Variants in ANK3 observed in about 807,000 individuals in gnomAD.
ANK3 encodes ankyrin 3.
In ANK3, 57 loss-of-function variants were observed where a neutral mutation model predicts 370.9. The ratio of observed to expected loss-of-function variants is 0.15; its 90% CI spans 0.12 to 0.19. The LOEUF (loss-of-function observed/expected upper bound fraction) is 0.19. Among genes scored for constraint, ANK3 ranks in the 10% least tolerant of loss-of-function variants. The pLI is 1.00. For missense variants in ANK3, 4,439 were observed against 5,302.1 expected (o/e 0.84, Z 5.06); for synonymous variants, 1,929 against 1,946.3 (o/e 0.99, Z 0.23).
intron 2 of ANK3, among the ~76,000 whole-genome samples, chr10:60,506,071 GA>G (rs2075932033): frequency 6.6e-6 from 1 of 151,544 alleles, no homozygotes; most frequent in African/African-American, 2.4e-5. Flanking sequence ...CAACAGAAGA[GA>G]AAAAAGGACT....
At chr10:60,646,475 T>C (rs1431295558) in intron 1 of ANK3, among the ~76,000 whole-genome samples, 3 of 152,056 alleles carry the variant, frequency 2.0e-5, no homozygotes, top group African/African-American at 7.2e-5. Flanking sequence ...ACTTAGGAGA[T>C]GGAGGCAGGA....
At chr10:60,251,590 T>C (rs2097666923) in intron 7 of ANK3, among the ~76,000 whole-genome samples, 4 of 152,186 alleles carry the variant, frequency 2.6e-5, no homozygotes. Flanking sequence ...TGATGCTCCT[T>C]TTCCCTCCAC....
At chr10:60,243,341 G>A (rs182056733) in intron 7 of ANK3, among the ~76,000 whole-genome samples, 82 of 152,192 alleles carry the variant, frequency 5.4e-4, no homozygotes, top group Non-Finnish European at 7.8e-4. Flanking sequence ...TCCTTGGCAG[G>A]GATTAATGAT....
At chr10:60,262,070 TA>T in intron 6 of ANK3, 113 bp from the exon 7 acceptor site, 1 of 812,010 alleles carries the variant, frequency 1.2e-6, no homozygotes, top group South Asian at 1.6e-5. Flanking sequence ...TGCTGAGGTC[TA>T]TGTTCCATTC....
Position 60,070,340 on chromosome 10 carries a change from A to G in ANK3, c.10541T>C (p.Val3514Ala), listed in dbSNP as rs753987504. The G allele has an allele frequency of 6.2e-7, 1 of 1,614,126 alleles. No homozygotes were observed. The highest frequency in any genetic ancestry group is 1.7e-5 in the Admixed American group (1 of 60,026). ...TLEGRHPDRS[V>A]FPDTYFSYKV... ...GTAACTGAAGTAAGTATCAGGAAAC[A>G]CTGATCTGTCAGGATGTCTGCCTTC... The change falls in exon 37 of 44, where the codon GTG becomes GCG. Residue 3514 changes from valine (V) to alanine (A), a missense_variant. This residue lies in a region of ANK3 where 1,601 missense variants were observed against 1,731.7 expected (regional missense o/e 0.92). Coordinates refer to ENST00000280772, the MANE Select transcript of ANK3 (RefSeq NM_020987.5). The surrounding 1 kb of genome is among the most constrained non-coding windows in gnomAD (Gnocchi z 5.7).
At chr10:60,530,214 T>G (rs1288209430) in intron 2 of ANK3, among the ~76,000 whole-genome samples, 3 of 152,164 alleles carry the variant, frequency 2.0e-5, no homozygotes, top group Non-Finnish European at 4.4e-5. Flanking sequence ...CCTATTTAAG[T>G]CAGTCCATGA....
At chr10:60,416,317 A>G (rs910236186) in intron 2 of ANK3, among the ~76,000 whole-genome samples, 1 of 152,186 alleles carries the variant, frequency 6.6e-6, no homozygotes, top group Non-Finnish European at 1.5e-5. Flanking sequence ...GTTACATGGA[A>G]CCACACAGAT....
intron 1 of ANK3, among the ~76,000 whole-genome samples, chr10:60,661,831 C>T (rs2078939346): frequency 6.6e-6 from 1 of 152,134 alleles, no homozygotes; most frequent in African/African-American, 2.4e-5. Flanking sequence ...CATCTGGCTC[C>T]GTTGGGCTAC....
intron 2 of ANK3, among the ~76,000 whole-genome samples, chr10:60,486,865 T>G (rs991811242): frequency 1.3e-5 from 2 of 152,184 alleles, no homozygotes; most frequent in African/African-American, 2.4e-5. Context: ...GCAATGCAAT[T>G]TTAAAAGATA....
At chr10:60,469,012 T>C (rs1219279739) in intron 2 of ANK3, among the ~76,000 whole-genome samples, 6 of 91,362 alleles carry the variant, frequency 6.6e-5, no homozygotes, top group African/African-American at 1.1e-4. Context: ...TATATATATA[T>C]ATATATACCA....
chr10:60,126,472 G>A (rs2093760697), intron 25 of ANK3, among the ~76,000 whole-genome samples: 1 of 152,014 alleles, frequency 6.6e-6, no homozygotes, highest in Admixed American at 6.6e-5. Flanking sequence ...GATCACATGA[G>A]GCCAGGAGTT....
At chr10:60,674,036 T>G (rs575762924) in intron 1 of ANK3, among the ~76,000 whole-genome samples, 1 of 152,288 alleles carries the variant, frequency 6.6e-6, no homozygotes, top group East Asian at 1.9e-4. Context: ...GAGCCATAAA[T>G]GTTTAGTAGC....
At chr10:60,603,796 G>A (rs1250473482) in intron 2 of ANK3, among the ~76,000 whole-genome samples, 1 of 151,938 alleles carries the variant, frequency 6.6e-6, no homozygotes, top group Non-Finnish European at 1.5e-5. Flanking sequence ...TTCCACTTTT[G>A]GGACACTGGA....
Position 60,196,772 on chromosome 10 carries a change from GA to G in ANK3, c.1690-148del, listed in dbSNP as rs2132404133. ...ACTGATTAATTATTCTATTGATGAT[GA>G]GCAGTGAAGTCTGCATTTAAAGTCC... On this transcript the variant is annotated intron_variant, in intron 14 of 43. Transcript: ENST00000280772. 5.0e-6 allele frequency: 3 copies of G among 599,992 alleles called. No homozygotes were observed. The East Asian group carries it at 8.3e-5, about 17-fold the overall frequency. The allele number at this position is 599,992 out of a possible 1,614,324, so 37.2% of individuals were successfully genotyped here. A position where few individuals can be genotyped will look rare whatever the true frequency, so the allele number is the denominator to read the frequency against.
chr10:60,259,099 A>C (rs1201863918), intron 7 of ANK3, among the ~76,000 whole-genome samples: 3 of 152,014 alleles, frequency 2.0e-5, no homozygotes, highest in Non-Finnish European at 4.4e-5. Flanking sequence ...ACCTAGAAAG[A>C]CTCCTTGGAA....
chr10:60,360,632 C>T (rs543079116), intron 1 of ANK3, among the ~76,000 whole-genome samples: 16 of 152,062 alleles, frequency 1.1e-4, no homozygotes, highest in African/African-American at 3.9e-4. Flanking sequence ...TTGCTTAAAC[C>T]CAGGAGGTTG....
chr10:60,586,547 T>C (rs553325259), intron 2 of ANK3, among the ~76,000 whole-genome samples: 1 of 151,872 alleles, frequency 6.6e-6, no homozygotes, highest in East Asian at 1.9e-4. Context: ...TCTGGAGGAG[T>C]AGGGGAGGGC....
chr10:60,052,334 A>G (rs1248651380), intron 42 of ANK3, among the ~76,000 whole-genome samples: 1 of 152,214 alleles, frequency 6.6e-6, no homozygotes, highest in Non-Finnish European at 1.5e-5. Flanking sequence ...TCTCAACAAC[A>G]ACAACAACAA....
intron 1 of ANK3, among the ~76,000 whole-genome samples, chr10:60,648,836 A>C (rs2078748045): frequency 7.0e-6 from 1 of 143,216 alleles, no homozygotes; most frequent in Non-Finnish European, 1.5e-5. Context: ...CCCCAGATAC[A>C]CCCCTTCCAG....
Sources: allele counts gnomAD v4.1 joint callset (sites outside exome capture counted in the v4.1 genomes callset), GRCh38; gene constraint gnomAD v4.1.1; regional missense constraint gnomAD v4.1.1; non-coding constraint Gnocchi (gnomAD v3.1); transcripts MANE v1.5; gene names NCBI Gene and HGNC (gene_info 2026-07-23, HGNC 2026-07-21).